APPL2: variants seen among roughly 807,000 people sequenced by gnomAD.
APPL2 encodes the protein DCC-interacting protein 13-beta.
In APPL2, 84 loss-of-function variants were observed where a neutral mutation model predicts 92.7. The observed-to-expected ratio is 0.91, with a 90% confidence interval of 0.76 to 1.09. The LOEUF (loss-of-function observed/expected upper bound fraction) is 1.09, where lower values mean the gene tolerates loss of function less well. APPL2 is among the 50% of genes least tolerant of loss of function. APPL2 has a pLI of 0.00. For missense variants in APPL2, 736 were observed against 824.5 expected (o/e 0.89, Z 1.31); for synonymous variants, 291 against 291.0 (o/e 1.00, Z 0.00).
intron 17 of APPL2, among the ~76,000 whole-genome samples, chr12:105,183,448 TGTGGTGG>T (rs1426434414): frequency 6.6e-6 from 1 of 152,168 alleles, no homozygotes; most frequent in Non-Finnish European, 1.5e-5. Context: ...GTAAAGCAGG[TGTGGTGG>T]TGACAACATC....
In APPL2 at chr12:105,176,970, T is replaced by C; in HGVS notation, c.1718A>G (p.Lys573Arg). ...ACGGATGACAAAACCAACCAGTCTC[T>C]TGTTTTCTTGATGAGCAGCAAATTG... is the stretch of plus-strand genomic sequence containing the variant. ...VTQFAAHQEN[K>R]RLVGFVIRVP... is the part of the protein sequence containing the mutation. Residue 573 changes from lysine to arginine, a missense_variant, in exon 19 of 21, where the codon AAG becomes AGG. By Grantham distance (26) the Lys-to-Arg change is conservative. Coordinates refer to ENST00000258530, the MANE Select transcript of APPL2 (RefSeq NM_018171.5). 8 of 1,614,082 alleles carry C rather than the reference T, an allele frequency of 5.0e-6. No homozygotes were observed. The highest frequency in any genetic ancestry group is 6.8e-6 in the Non-Finnish European group (8 of 1,179,992).
At position 105,185,479 on chromosome 12, in the gene APPL2, G is replaced by A. The variant is rs377395369; in HGVS notation, c.1634+2794C>T. On this transcript the variant is annotated intron_variant, in intron 17 of 20. Transcript: ENST00000258530. The stretch of plus-strand genomic sequence containing the variant: ...CTGGATAGGTCTGTCCCTCACTCAC[G>A]GCTTCCCTTGGCTAGGGGAGGGAGT... Among the ~76,000 whole-genome samples, 71 of 152,094 alleles carry A rather than the reference G, an allele frequency of 4.7e-4. 2 individuals carry two copies. The highest frequency in any genetic ancestry group is 3.4e-3 in the Middle Eastern group (1 of 294).
chr12:105,183,947 T>C (rs1312474379), intron 17 of APPL2, among the ~76,000 whole-genome samples: 2 of 152,228 alleles, frequency 1.3e-5, no homozygotes, highest in Non-Finnish European at 2.9e-5. Context: ...TTAGAGGCTT[T>C]ATTCACTCAT....
intron 2 of APPL2, among the ~76,000 whole-genome samples, chr12:105,222,306 A>G (rs906720323): frequency 6.6e-5 from 10 of 152,198 alleles, no homozygotes; most frequent in Non-Finnish European, 2.9e-5. Context: ...TGGTGGGAAG[A>G]AAACACTGAA....
At chr12:105,207,622 G>GA (rs1172542830) in intron 7 of APPL2, among the ~76,000 whole-genome samples, 1 of 152,162 alleles carries the variant, frequency 6.6e-6, no homozygotes, top group African/African-American at 2.4e-5. Flanking sequence ...CTAGAGTAGC[G>GA]AAGGTCCTAG....
intron 14 of APPL2, among the ~76,000 whole-genome samples, chr12:105,194,794 AAG>A (rs1491051856): frequency 2.0e-5 from 3 of 152,074 alleles, no homozygotes; most frequent in Non-Finnish European, 4.4e-5. Flanking sequence ...AAAAAAAAAA[AAG>A]TATGTGCAAA....
rs117960768 is a variant in APPL2, at chr12:105,220,314, A to G, written c.154-2589T>C. ...GCCATATATGGTCTTTGCCACAACTATTCAACTCTGCTTTGTAGCACAAAA... is the reference window on the plus strand; with the variant it reads ...GCCATATATGGTCTTTGCCACAACTGTTCAACTCTGCTTTGTAGCACAAAA... On this transcript the variant is annotated intron_variant, in intron 2 of 20. Transcript: ENST00000258530. Among the ~76,000 whole-genome samples, 170 of 152,354 alleles carry G rather than the reference A, an allele frequency of 1.1e-3. 1 individual carries two copies. Among genetic ancestry groups the G allele is most frequent in the Non-Finnish European group, 1.8e-3 (122 of 68,028 alleles).
intron 4 of APPL2, among the ~76,000 whole-genome samples, chr12:105,214,811 A>G (rs1889533333): frequency 6.6e-6 from 1 of 152,204 alleles, no homozygotes; most frequent in South Asian, 2.1e-4. Context: ...CACGATTATG[A>G]GCTTGGAGCT....
intron 20 of APPL2, among the ~76,000 whole-genome samples, chr12:105,174,746 C>A (rs1460519432): frequency 2.0e-5 from 3 of 152,148 alleles, no homozygotes; most frequent in Non-Finnish European, 2.9e-5. Context: ...TAAACTCCTT[C>A]TTTTCTCACG....
chr12:105,230,142 C>T (rs911042746), intron 1 of APPL2, among the ~76,000 whole-genome samples: 12 of 152,100 alleles, frequency 7.9e-5, no homozygotes, highest in Non-Finnish European at 1.8e-4. Context: ...AATTTCACAA[C>T]CCCTGGGCCC....
chr12:105,197,762 T>TA lies in APPL2; in HGVS notation c.1052+2dup, dbSNP rs1383089277. On this transcript the variant is annotated splice_region_variant and intron_variant, in intron 11 of 20. Coordinates refer to ENST00000258530, the MANE Select transcript of APPL2 (RefSeq NM_018171.5). The stretch of plus-strand genomic sequence containing the variant: ...CCTCCCAAATAAAACGCGTGAAACA[T>TA]ACGATTTTCCATTGGGCGTGGTGAT... 1 of 1,614,138 alleles carries TA rather than the reference T, an allele frequency of 6.2e-7. No individual in the cohort carries two copies. The highest frequency in any genetic ancestry group is 1.7e-5 in the Admixed American group (1 of 60,026).
In APPL2 at chr12:105,233,428, C is replaced by T. The variant is rs958395618; in HGVS notation, c.54+2531G>A. On this transcript the variant is annotated intron_variant, in intron 1 of 20. Transcript: ENST00000258530. ...ACAATGCATCGTGCAGCACTGCAAA[C>T]TAAAAAGGAGTCCATGAATAGATGT... is the stretch of plus-strand genomic sequence containing the variant. The T allele has an allele frequency of 4.0e-5, 39 of 984,792 alleles. 1 individual carries two copies. The highest frequency in any genetic ancestry group is 4.7e-5 in the Non-Finnish European group (39 of 829,368). The allele number at this position is 984,792 out of a possible 1,614,324, so 61.0% of individuals were successfully genotyped here. A position where few individuals can be genotyped will look rare whatever the true frequency, so the allele number is the denominator to read the frequency against.
intron 1 of APPL2, among the ~76,000 whole-genome samples, 160 bp downstream of exon 1, chr12:105,235,799 C>A (rs1000850521): frequency 5.3e-5 from 8 of 152,060 alleles, no homozygotes; most frequent in Non-Finnish European, 1.0e-4. Context: ...GCCCGGCCCG[C>A]CCCCTCCTCA....
intron 1 of APPL2, among the ~76,000 whole-genome samples, chr12:105,234,430 T>C (rs1056954619): frequency 6.6e-6 from 1 of 152,208 alleles, no homozygotes; most frequent in South Asian, 2.1e-4. Flanking sequence ...TGCTCTACAG[T>C]CCTGTCTACT....
In APPL2 at chr12:105,222,794, A is replaced by G. The variant is rs149182487; in HGVS notation, c.154-5069T>C. The stretch of plus-strand genomic sequence containing the variant: ...CTTAAGTGCTCTGACCAACAAGTGT[A>G]CAAGGCATTTGGGCACACTGGCGAA... On this transcript the variant is annotated intron_variant, in intron 2 of 20. Coordinates refer to ENST00000258530, the MANE Select transcript of APPL2 (RefSeq NM_018171.5). Among the ~76,000 whole-genome samples, 1,264 of 152,336 alleles carry G rather than the reference A, an allele frequency of 8.3e-3. 3 individuals carry two copies. The highest frequency in any genetic ancestry group is 0.013 in the Non-Finnish European group (859 of 68,030).
At chr12:105,207,018 A>C (rs199508894) in intron 8 of APPL2, 43 bp downstream of exon 8, 165 of 1,596,398 alleles carry the variant, frequency 1.0e-4, no homozygotes, top group Middle Eastern at 3.5e-4. Flanking sequence ...GCAGAACGCC[A>C]CAGCTAGCTT....
At chr12:105,207,657 T>G (rs897464468) in intron 7 of APPL2, among the ~76,000 whole-genome samples, 2 of 152,112 alleles carry the variant, frequency 1.3e-5, no homozygotes, top group African/African-American at 2.4e-5. Context: ...AGAATCAGAG[T>G]CAACACTTGG....
chr12:105,176,492 C>A, intron 19 of APPL2: 1 of 425,604 alleles, frequency 2.3e-6, no homozygotes, highest in Admixed American at 4.0e-5. Flanking sequence ...AAACCAACAG[C>A]TTGTGTGTAA....
At chr12:105,197,979 A>G (rs1183858934) in intron 10 of APPL2, 26 bp from the exon 11 acceptor site, 2 of 1,606,940 alleles carry the variant, frequency 1.2e-6, no homozygotes, top group Admixed American at 1.7e-5. Context: ...TAAAAAGCCC[A>G]TTAGTACCAG....
Sources: gnomAD v4.1 joint callset for allele counts (sites outside exome capture counted in the v4.1 genomes callset) on GRCh38, gnomAD v4.1.1 for gene constraint, MANE v1.5 for transcripts, NCBI Gene and HGNC (gene_info 2026-07-23, HGNC 2026-07-21) for gene names.